The following ARL13B variants were observed in gnomAD, a reference collection of about 807,000 sequenced individuals.
The protein encoded by ARL13B is ARF like GTPase 13B, also known as ADP-ribosylation factor-like protein 13B.
ARL13B carries 36 observed loss-of-function variants against 56.1 expected under a neutral mutation model. The observed-to-expected ratio is 0.64, with a 90% CI of 0.49 to 0.85. ARL13B has a LOEUF of 0.85. Ranked by LOEUF, ARL13B falls within the 40% of genes least tolerant of loss-of-function variation. The pLI, the probability that ARL13B is intolerant of heterozygous loss-of-function variation, is 0.00. For synonymous variants in ARL13B, 178 were observed against 171.1 expected, an observed-to-expected ratio of 1.04 and a Z score of -0.32; for missense variants, 519 against 507.1, an observed-to-expected ratio of 1.02 and a Z score of -0.23.
At chr3:94,029,338 A>ATTTTT (rs1272624458) in intron 3 of ARL13B, among the ~76,000 whole-genome samples, 8 of 59,022 alleles carry the variant, frequency 1.4e-4, no homozygotes, top group East Asian at 4.1e-4. Flanking sequence ...ATATATATTT[A>ATTTTT]TTTTTTTTTT....
chr3:93,992,904 G>A (rs113094492), intron 1 of ARL13B, among the ~76,000 whole-genome samples: 4 of 150,930 alleles, frequency 2.7e-5, no homozygotes, highest in South Asian at 2.1e-4. Context: ...ATCGATTCTC[G>A]CAGCTCAGCC....
rs1710139935 is a variant in ARL13B, at chr3:93,980,255, G to A, written c.-169G>A. Reference sequence around the variant, plus strand: ...AGGGCAGTCGTCGCGGACCCACGCGGTTAGCAAGGCTTAGTGCTCGGGCCG... The same window carrying A: ...AGGGCAGTCGTCGCGGACCCACGCGATTAGCAAGGCTTAGTGCTCGGGCCG... On this transcript the variant is annotated 5_prime_UTR_variant, in exon 1 of 10. Transcript: ENST00000394222. The A allele has an allele frequency of 1.2e-6, 1 of 837,636 alleles. No homozygotes were observed. The highest frequency in any genetic ancestry group is 2.6e-5 in the East Asian group (1 of 37,962). 51.9% of individuals were successfully genotyped at this position (837,636 alleles called of 1,614,324 possible).
chr3:94,029,338 AT>A (rs1272624458), intron 3 of ARL13B, among the ~76,000 whole-genome samples: 1,564 of 58,994 alleles, frequency 0.027, 32 homozygotes, highest in Non-Finnish European at 0.041. Context: ...ATATATATTT[AT>A]TTTTTTTTTA....
In ARL13B at chr3:94,055,503, A is replaced by T; in HGVS notation, c.*2240A>T. ...ATGCAGCTACAAATAGCATTTCACC[A>T]TATGATGTTAGAGGATTTGATGTCT... On this transcript the variant is annotated 3_prime_UTR_variant, in exon 10 of 10. Coordinates refer to ENST00000394222, the MANE Select transcript of ARL13B (RefSeq NM_001174150.2). 1 of 453,990 alleles carries T rather than the reference A, an allele frequency of 2.2e-6. No individual in the cohort carries two copies. The allele number at this position is 453,990 out of a possible 1,614,324, so 28.1% of individuals were successfully genotyped here. A position where few individuals can be genotyped will look rare whatever the true frequency, so the allele number is the denominator to read the frequency against.
At chr3:94,044,002 G>A (rs990536978) in intron 7 of ARL13B, among the ~76,000 whole-genome samples, 13 of 151,878 alleles carry the variant, frequency 8.6e-5, no homozygotes, top group South Asian at 2.1e-4. Context: ...ATCTCGGCTC[G>A]CTACAACCTC....
At chr3:93,980,852 A>C (rs550178951) in intron 1 of ARL13B, among the ~76,000 whole-genome samples, 2 of 152,068 alleles carry the variant, frequency 1.3e-5, no homozygotes. Flanking sequence ...TATAGTTTTC[A>C]TAATATCCGC....
chr3:94,048,625 C>G (rs1310112579), intron 7 of ARL13B, among the ~76,000 whole-genome samples: 1 of 151,628 alleles, frequency 6.6e-6, no homozygotes, highest in African/African-American at 2.4e-5. Context: ...TAGATTCTCA[C>G]TCTGTCACCA....
intron 1 of ARL13B, among the ~76,000 whole-genome samples, chr3:93,993,883 G>A (rs1317722865): frequency 6.6e-6 from 1 of 152,212 alleles, no homozygotes; most frequent in East Asian, 1.9e-4. Flanking sequence ...ATAATCTGCT[G>A]TGGGTCTTTG....
At chr3:94,001,157 A>G (rs545504610) in intron 2 of ARL13B, among the ~76,000 whole-genome samples, 113 of 152,314 alleles carry the variant, frequency 7.4e-4, no homozygotes, top group African/African-American at 2.7e-3. Flanking sequence ...GGAATCATCA[A>G]AAAAGGATTT....
rs1372708292 is a variant in ARL13B at position 94,044,511 on chromosome 3, TGAG to T, written c.1024+1275_1024+1277del. On this transcript the variant is annotated intron_variant, in intron 7 of 9. Transcript: ENST00000394222. ...CTGCCTGGCTGCCCCGTCTGGGAAG[TGAG>T]GAGCGCTTCTGCCTGGCCGCTCCAT... Among the ~76,000 whole-genome samples the T allele has an allele frequency of 3.0e-5, 4 of 131,388 alleles. No homozygotes were observed. The South Asian group carries it at 7.5e-4, about 25-fold the overall frequency. 86.2% of individuals were successfully genotyped at this position (131,388 alleles called of 152,430 possible).
intron 2 of ARL13B, among the ~76,000 whole-genome samples, chr3:93,999,510 T>C (rs1211001790): frequency 1.3e-5 from 2 of 152,210 alleles, no homozygotes; most frequent in Non-Finnish European, 1.5e-5. Flanking sequence ...TGTATAGGCA[T>C]GCAAGGCATA....
At chr3:94,022,887 A>ACCTGCT (rs2076479054) in intron 3 of ARL13B, among the ~76,000 whole-genome samples, 1 of 152,050 alleles carries the variant, frequency 6.6e-6, no homozygotes, top group Non-Finnish European at 1.5e-5. Context: ...AATTTTGTAC[A>ACCTGCT]TACATCACTA....
At chr3:93,999,469 G>C (rs760866094) in intron 2 of ARL13B, among the ~76,000 whole-genome samples, 1 of 151,928 alleles carries the variant, frequency 6.6e-6, no homozygotes, top group Admixed American at 6.6e-5. Flanking sequence ...GTACATAGTA[G>C]GTGTATATAT....
At chr3:94,015,349 T>C in intron 3 of ARL13B, 1 of 1,230,968 alleles carries the variant, frequency 8.1e-7, no homozygotes, top group Non-Finnish European at 1.1e-6. Context: ...AGCAGTTGAC[T>C]TCACATAACT....
intron 3 of ARL13B, among the ~76,000 whole-genome samples, chr3:94,010,071 T>C (rs1292923615): frequency 1.3e-5 from 2 of 152,154 alleles, no homozygotes; most frequent in African/African-American, 2.4e-5. Context: ...TTTGGGCTTT[T>C]TTTCCATACG....
Position 94,054,459 on chromosome 3 carries a change from C to A in ARL13B, c.*1196C>A, listed in dbSNP as rs2077113474. The A allele has an allele frequency of 5.6e-6, 2 of 355,672 alleles. No homozygotes were observed. The highest frequency in any genetic ancestry group is 2.3e-5 in the South Asian group (1 of 44,414). 22.0% of individuals were successfully genotyped at this position (355,672 alleles called of 1,614,324 possible). ...AGATGTATATTTTTAATAATAGATTCATAATGTTACATTTAATTGAAAACA... is the reference window on the plus strand; with the variant it reads ...AGATGTATATTTTTAATAATAGATTAATAATGTTACATTTAATTGAAAACA... On this transcript the variant is annotated 3_prime_UTR_variant, in exon 10 of 10. Coordinates refer to ENST00000394222, the MANE Select transcript of ARL13B (RefSeq NM_001174150.2).
chr3:94,025,747 T>TAGTG (rs1224142310), intron 3 of ARL13B, among the ~76,000 whole-genome samples: 5 of 152,182 alleles, frequency 3.3e-5, no homozygotes, highest in African/African-American at 1.2e-4. Flanking sequence ...AATTTTTCTC[T>TAGTG]AGTGATTTTT....
At position 93,980,385 on chromosome 3, in the gene ARL13B, C is replaced by G. The variant is rs1429657763; in HGVS notation, c.-39C>G. 6.2e-7 allele frequency: 1 copy of G among 1,609,256 alleles called. No homozygotes were observed. The highest frequency in any genetic ancestry group is 8.5e-7 in the Non-Finnish European group (1 of 1,179,796). On this transcript the variant is annotated 5_prime_UTR_variant, in exon 1 of 10. Coordinates refer to ENST00000394222, the MANE Select transcript of ARL13B (RefSeq NM_001174150.2). ...GAAGAGCGGGGTGCCGGTGTCCGCT[C>G]CGGGCTCGGATGGGAAGTGGTGGGA...
intron 5 of ARL13B, among the ~76,000 whole-genome samples, chr3:94,037,724 T>C (rs1401603175): frequency 6.6e-6 from 1 of 151,828 alleles, no homozygotes; most frequent in Admixed American, 6.6e-5. Flanking sequence ...AAAAATTAAA[T>C]ATATGGCCAT....
Sources: allele counts gnomAD v4.1 joint callset (sites outside exome capture counted in the v4.1 genomes callset), GRCh38; gene constraint gnomAD v4.1.1; transcripts MANE v1.5; gene names NCBI Gene and HGNC (gene_info 2026-07-23, HGNC 2026-07-21).